The following WIPF1 variants were observed in gnomAD, a reference collection of about 807,000 sequenced individuals.
WIPF1 encodes WAS/WASL-interacting protein family member 1.
Under a neutral mutation model 35.4 loss-of-function variants are expected in WIPF1, and 13 were observed. That is an observed-to-expected ratio of 0.37 (90% confidence interval 0.24 to 0.58). WIPF1 has a LOEUF of 0.58. Among genes scored for constraint, WIPF1 ranks in the 20% least tolerant of loss-of-function variants. The probability of loss-of-function intolerance (pLI) is 0.74; values close to 1 mark genes in which losing one functional copy is unlikely to be tolerated. For synonymous variants in WIPF1, 267 were observed against 266.3 expected (o/e 1.00, Z -0.02); for missense variants, 591 against 667.0 (o/e 0.89, Z 1.25).
At chr2:174,607,179 G>A (rs56269872) in intron 1 of WIPF1, among the ~76,000 whole-genome samples, 55,263 of 151,976 alleles carry the variant, frequency 0.36, 11,565 homozygotes, top group East Asian at 0.67. Context: ...TGAGGCAGGC[G>A]GATCACGAGG....
In WIPF1 at chr2:174,567,557, TAAG is replaced by T. The variant is rs376909152; in HGVS notation, c.1342+301_1342+303del. Reference sequence around the variant, plus strand: ...GTGAACTGTTTAGAAATGTACATAATAAGAAGCTATAAAAAGATTCTTTTCAGA... The same window carrying T: ...GTGAACTGTTTAGAAATGTACATAATAAGCTATAAAAAGATTCTTTTCAGA... On this transcript the variant is annotated intron_variant, in intron 6 of 7. Transcript: ENST00000679041. 2.3e-3 allele frequency among the ~76,000 whole-genome samples: 350 copies of T among 152,302 alleles called. 1 individual carries two copies. Among genetic ancestry groups the T allele is most frequent in the African/African-American group, 8.1e-3 (337 of 41,566 alleles).
At chr2:174,675,401 T>C (rs1688108736) in intron 1 of WIPF1, among the ~76,000 whole-genome samples, 1 of 152,168 alleles carries the variant, frequency 6.6e-6, no homozygotes, top group African/African-American at 2.4e-5. Context: ...CTGTCATCCA[T>C]GCTGGAGTGC....
intron 1 of WIPF1, among the ~76,000 whole-genome samples, chr2:174,659,968 C>A (rs1254719983): frequency 6.6e-6 from 1 of 152,132 alleles, no homozygotes; most frequent in Non-Finnish European, 1.5e-5. Flanking sequence ...TAATAGTGCG[C>A]CCTTGCCTCT....
chr2:174,635,800 A>G (rs1406736905), intron 1 of WIPF1, among the ~76,000 whole-genome samples: 1 of 152,164 alleles, frequency 6.6e-6, no homozygotes, highest in Non-Finnish European at 1.5e-5. Flanking sequence ...ACATATTCCA[A>G]GTCTTGAAAA....
At chr2:174,612,779 T>A (rs778752404) in intron 1 of WIPF1, among the ~76,000 whole-genome samples, 19 of 151,640 alleles carry the variant, frequency 1.3e-4, no homozygotes, top group Middle Eastern at 3.4e-3. Flanking sequence ...TATCTGGATT[T>A]AAAAAAAAAT....
intron 3 of WIPF1, among the ~76,000 whole-genome samples, chr2:174,579,712 G>C (rs1487599742): frequency 6.6e-6 from 1 of 152,180 alleles, no homozygotes; most frequent in Non-Finnish European, 1.5e-5. Flanking sequence ...GTGGATTCAG[G>C]AATAGGTCTA....
intron 2 of WIPF1, among the ~76,000 whole-genome samples, chr2:174,581,926 G>A (rs1204793069): frequency 6.6e-6 from 1 of 152,150 alleles, no homozygotes; most frequent in African/African-American, 2.4e-5. Flanking sequence ...TAAAGTTCTA[G>A]AAAATAATTC....
intron 1 of WIPF1, among the ~76,000 whole-genome samples, chr2:174,666,099 A>G (rs1471393228): frequency 1.3e-5 from 2 of 152,142 alleles, no homozygotes; most frequent in African/African-American, 4.8e-5. Flanking sequence ...TGGGCAACAC[A>G]GTGAGACCTC....
intron 1 of WIPF1, among the ~76,000 whole-genome samples, chr2:174,605,302 G>T (rs962179682): frequency 1.3e-5 from 2 of 152,130 alleles, no homozygotes; most frequent in Admixed American, 6.5e-5. Flanking sequence ...GCGTGGTGGG[G>T]TGGTGCGCAC....
intron 1 of WIPF1, among the ~76,000 whole-genome samples, chr2:174,638,856 T>A (rs909458694): frequency 1.3e-5 from 2 of 152,240 alleles, no homozygotes; most frequent in Non-Finnish European, 2.9e-5. Flanking sequence ...GGAGGGCGGA[T>A]AACTCTTCAA....
chr2:174,600,145 G>T (rs976949184), upstream of WIPF1, among the ~76,000 whole-genome samples: 2 of 152,092 alleles, frequency 1.3e-5, no homozygotes, highest in Non-Finnish European at 2.9e-5. Flanking sequence ...CTGCTGTGTG[G>T]CCTGGTTCCT....
rs1684816650 is a variant in WIPF1, at chr2:174,571,062, A to G, written c.1129+614T>C. The G allele has an allele frequency of 6.3e-6, 1 of 157,672 alleles. No homozygotes were observed. Among genetic ancestry groups the G allele is most frequent in the Admixed American group, 6.0e-5 (1 of 16,712 alleles). 9.8% of individuals were successfully genotyped at this position (157,672 alleles called of 1,614,324 possible). A position where few individuals can be genotyped will look rare whatever the true frequency, so the allele number is the denominator to read the frequency against. ...CAGCAGGCTCTTCAAGCCATGTGAC[A>G]GCAGGCAAATTTTGAGTTTATGCCT... On this transcript the variant is annotated intron_variant, in intron 5 of 7. Transcript: ENST00000679041. The surrounding 1 kb of genome is among the most constrained non-coding windows in gnomAD (Gnocchi z 4.6).
At chr2:174,565,944 C>T (rs189851161) in intron 7 of WIPF1, among the ~76,000 whole-genome samples, 1,684 of 152,078 alleles carry the variant, frequency 0.011, 35 homozygotes, top group African/African-American at 0.038. Context: ...AGTGCAATGG[C>T]GCAATCTCAG....
At chr2:174,670,190 C>T (rs1687981508) in intron 1 of WIPF1, among the ~76,000 whole-genome samples, 1 of 152,134 alleles carries the variant, frequency 6.6e-6, no homozygotes, top group Non-Finnish European at 1.5e-5. Context: ...ACTCCCTGCC[C>T]CCCCATCCCA....
At chr2:174,613,863 TAAAC>T (rs534374291) in intron 1 of WIPF1, among the ~76,000 whole-genome samples, 307 of 152,278 alleles carry the variant, frequency 2.0e-3, no homozygotes, top group African/African-American at 6.8e-3. Flanking sequence ...TTTAAAATTT[TAAAC>T]AAAAAAGAAT....
upstream of WIPF1, among the ~76,000 whole-genome samples, chr2:174,598,569 C>T (rs1406340923): frequency 6.6e-6 from 1 of 152,206 alleles, no homozygotes; most frequent in Admixed American, 6.5e-5. Flanking sequence ...ATCCTTCCAT[C>T]TTAGCTTCCC....
chr2:174,650,202 T>G (rs1389509426), intron 1 of WIPF1, among the ~76,000 whole-genome samples: 12 of 152,152 alleles, frequency 7.9e-5, no homozygotes, highest in Admixed American at 7.9e-4. Context: ...TGCACCAGTA[T>G]AGTCCACTAG....
intron 1 of WIPF1, among the ~76,000 whole-genome samples, chr2:174,675,686 AG>A (rs1176742339): frequency 6.6e-6 from 1 of 152,190 alleles, no homozygotes; most frequent in Non-Finnish European, 1.5e-5. Context: ...AGAGTGATAA[AG>A]AGTCATATTT....
intron 1 of WIPF1, among the ~76,000 whole-genome samples, chr2:174,666,929 C>CA (rs1244022022): frequency 6.6e-6 from 1 of 152,244 alleles, no homozygotes; most frequent in Non-Finnish European, 1.5e-5. Flanking sequence ...CAGAAAAACA[C>CA]AAAGAGATCC....
Sources: gnomAD v4.1 joint callset for allele counts (sites outside exome capture counted in the v4.1 genomes callset) on GRCh38, gnomAD v4.1.1 for gene constraint, Gnocchi (gnomAD v3.1) non-coding constraint, MANE v1.5 for transcripts, NCBI Gene and HGNC (gene_info 2026-07-23, HGNC 2026-07-21) for gene names.